The following TNS3 variants were observed in gnomAD, a reference collection of about 807,000 sequenced individuals.
TNS3 encodes the protein tensin-3.
In TNS3, 45 loss-of-function variants were observed where a neutral mutation model predicts 140.9. The observed-to-expected ratio is 0.32, with a 90% confidence interval of 0.25 to 0.41. TNS3 has a LOEUF of 0.41. Among genes scored for constraint, TNS3 ranks in the 10% least tolerant of loss-of-function variants. TNS3 has a pLI of 1.00. For synonymous variants in TNS3, 815 were observed against 788.4 expected (o/e 1.03, Z -0.56); for missense variants, 1,716 against 1,906.7 (o/e 0.90, Z 1.86).
At chr7:47,516,689 G>A (rs73695373) in intron 2 of TNS3, among the ~76,000 whole-genome samples, 47 of 152,294 alleles carry the variant, frequency 3.1e-4, no homozygotes, top group African/African-American at 1.1e-3. Context: ...GGCCAGGTCC[G>A]TCCTCCTCCT....
chr7:47,379,990 C>T (rs1051612338), intron 16 of TNS3, among the ~76,000 whole-genome samples: 2 of 152,254 alleles, frequency 1.3e-5, no homozygotes, highest in African/African-American at 2.4e-5. Context: ...CACACAGAAA[C>T]GCCTGCCCAG....
In TNS3 at chr7:47,481,117, CT is replaced by C; in HGVS notation, c.-91del. ...AAAGGGCTTACCTGTTCCAGTCGGACTTGCACACCGCAGGGAATCACCACCT... is the reference window on the plus strand; with the variant it reads ...AAAGGGCTTACCTGTTCCAGTCGGACTGCACACCGCAGGGAATCACCACCT... On this transcript the variant is annotated 5_prime_UTR_variant, in exon 4 of 31. Transcript: ENST00000311160. 7.8e-7 allele frequency: 1 copy of C among 1,289,816 alleles called. No individual in the cohort carries two copies. The highest frequency in any genetic ancestry group is 1.2e-5 in the South Asian group (1 of 81,028). 79.9% of individuals were successfully genotyped at this position (1,289,816 alleles called of 1,614,324 possible). A position where few individuals can be genotyped will look rare whatever the true frequency, so the allele number is the denominator to read the frequency against.
At chr7:47,426,771 C>T (rs1794673422) in intron 9 of TNS3, among the ~76,000 whole-genome samples, 1 of 152,084 alleles carries the variant, frequency 6.6e-6, no homozygotes, top group African/African-American at 2.4e-5. Context: ...CCAAAAAATC[C>T]GGGACTATCC....
intron 20 of TNS3, among the ~76,000 whole-genome samples, chr7:47,305,552 C>T (rs534240870): frequency 1.3e-5 from 2 of 152,354 alleles, no homozygotes; most frequent in South Asian, 2.1e-4. Context: ...CCATCAACAT[C>T]GAGCACTATG....
In TNS3 at chr7:47,344,719, TGCCGCGCGCCTGTGACCC is replaced by T. The variant is rs1789221613; in HGVS notation, c.2650+18_2650+35del. 6.3e-7 allele frequency: 1 copy of T among 1,585,218 alleles called. No individual in the cohort carries two copies. Among genetic ancestry groups the T allele is most frequent in the African/African-American group, 1.3e-5 (1 of 74,270 alleles). On this transcript the variant is annotated intron_variant, in intron 20 of 30. Transcript: ENST00000311160. ...GCGACCCCGCGATGCAGCGCCTGAG[TGCCGCGCGCCTGTGACCC>T]GCGGGTAGATTTCTTACCACGTCCT...
chr7:47,412,269 G>A (rs1793816588), intron 12 of TNS3, among the ~76,000 whole-genome samples: 1 of 152,178 alleles, frequency 6.6e-6, no homozygotes, highest in South Asian at 2.1e-4. Context: ...CATACAAAAA[G>A]ACAAAGAAAA....
At chr7:47,568,576 C>A (rs1301559126) in intron 1 of TNS3, among the ~76,000 whole-genome samples, 13 of 152,260 alleles carry the variant, frequency 8.5e-5, no homozygotes, top group Admixed American at 8.5e-4. Context: ...TCTCCCCGCA[C>A]AGGGCCTCAC....
intron 1 of TNS3, among the ~76,000 whole-genome samples, chr7:47,565,292 G>A (rs372052942): frequency 6.6e-6 from 1 of 150,894 alleles, no homozygotes; most frequent in Non-Finnish European, 1.5e-5. Flanking sequence ...AGCCAGGATG[G>A]TCTCGATCTC....
At chr7:47,510,404 G>A (rs1277039221) in intron 2 of TNS3, among the ~76,000 whole-genome samples, 4 of 152,162 alleles carry the variant, frequency 2.6e-5, no homozygotes, top group African/African-American at 7.2e-5. Context: ...GTGTGAGCTG[G>A]CAGCTAAACT....
At chr7:47,282,354 G>A (rs1785191434) in intron 28 of TNS3, among the ~76,000 whole-genome samples, 1 of 149,546 alleles carries the variant, frequency 6.7e-6, no homozygotes, top group Non-Finnish European at 1.5e-5. Context: ...TAAAGCCAAG[G>A]CACAACCCTG....
At chr7:47,547,805 G>C (rs1799962213) in intron 1 of TNS3, among the ~76,000 whole-genome samples, 1 of 152,172 alleles carries the variant, frequency 6.6e-6, no homozygotes, top group Admixed American at 6.5e-5. Context: ...AGAAAATGGA[G>C]ACCACTGCAG....
chr7:47,469,155 T>C (rs543138758), intron 4 of TNS3, among the ~76,000 whole-genome samples: 1 of 152,264 alleles, frequency 6.6e-6, no homozygotes, highest in South Asian at 2.1e-4. Context: ...ACCTAAGAAA[T>C]ACCCTTATCG....
chr7:47,311,922 G>A (rs1242943277), intron 20 of TNS3, among the ~76,000 whole-genome samples: 1 of 152,202 alleles, frequency 6.6e-6, no homozygotes, highest in Non-Finnish European at 1.5e-5. Context: ...GAAACACAGT[G>A]CCTTGTCCAT....
chr7:47,411,440 T>C (rs1793761330), intron 13 of TNS3, among the ~76,000 whole-genome samples: 1 of 152,200 alleles, frequency 6.6e-6, no homozygotes, highest in African/African-American at 2.4e-5. Flanking sequence ...CAGTTCACAA[T>C]AGGGTTCGCA....
Position 47,571,285 on chromosome 7 carries a change from C to T in TNS3, c.-265+10766G>A, listed in dbSNP as rs559344614. 6.6e-5 allele frequency among the ~76,000 whole-genome samples: 10 copies of T among 152,324 alleles called. No homozygotes were observed. In the South Asian group the frequency reaches 1.7e-3, roughly 25 times the overall value. On this transcript the variant is annotated intron_variant, in intron 1 of 30. Transcript: ENST00000311160. ...TCCGTGCTATCAACACAGTTTTCAG[C>T]ACCACTTCAGAGAAGTTTGGGGACC... is the stretch of plus-strand genomic sequence containing the variant.
intron 16 of TNS3, among the ~76,000 whole-genome samples, chr7:47,392,043 T>C (rs778795609): frequency 1.3e-5 from 2 of 152,192 alleles, no homozygotes; most frequent in Non-Finnish European, 2.9e-5. Context: ...TCTCTTTATC[T>C]CTAAAATGGG....
intron 4 of TNS3, among the ~76,000 whole-genome samples, chr7:47,469,786 C>A (rs534731697): frequency 6.8e-4 from 104 of 152,046 alleles, no homozygotes; most frequent in Non-Finnish European, 1.3e-3. Context: ...CCAGCCTGAC[C>A]AACATGGTGA....
chr7:47,336,524 C>T (rs939589853), intron 20 of TNS3, among the ~76,000 whole-genome samples: 2 of 152,152 alleles, frequency 1.3e-5, no homozygotes, highest in East Asian at 3.9e-4. Flanking sequence ...TTTGTGTATT[C>T]TGTTTATTGT....
intron 17 of TNS3, 90 bp from the exon 18 acceptor site, chr7:47,346,446 AG>A (rs1562619355): frequency 6.7e-7 from 1 of 1,496,904 alleles, no homozygotes; most frequent in Non-Finnish European, 9.1e-7. Context: ...TGCTTCTCAA[AG>A]GTGCTGTATG....
Sources: gnomAD v4.1 joint callset for allele counts (sites outside exome capture counted in the v4.1 genomes callset) on GRCh38, gnomAD v4.1.1 for gene constraint, MANE v1.5 for transcripts, NCBI Gene and HGNC (gene_info 2026-07-23, HGNC 2026-07-21) for gene names.